Variants in ICMT observed in about 807,000 individuals in gnomAD.
ICMT encodes isoprenylcysteine carboxyl methyltransferase, also known as protein-S-isoprenylcysteine O-methyltransferase.
ICMT carries 10 observed loss-of-function variants against 32.2 expected under a neutral mutation model. The ratio of observed to expected loss-of-function variants is 0.31; its 90% confidence interval spans 0.19 to 0.53. The LOEUF (loss-of-function observed/expected upper bound fraction) is 0.53. ICMT is among the 20% of genes least tolerant of loss of function. The pLI is 0.96. For missense variants in ICMT, 265 were observed against 356.9 expected (o/e 0.74, Z 2.07); for synonymous variants, 183 against 158.2 (o/e 1.16, Z -1.18).
intron 2 of ICMT, chr1:6,234,374 A>C (rs1234445637): frequency 2.4e-6 from 1 of 419,148 alleles, no homozygotes; most frequent in Admixed American, 3.2e-5. Context: ...GATGGCTCAA[A>C]ATATTGATAA....
Position 6,235,957 on chromosome 1 carries a change from G to GGAGAAACGCGCCGGCTGCAGCCCT in ICMT, c.-47_-46insAGGGCTGCAGCCGGCGCGTTTCTC. On this transcript the variant is annotated 5_prime_UTR_variant, in exon 1 of 5. Transcript: ENST00000343813. ...CGGGCGGCGGCGCCGGCTGTAGCCC[G>GGAGAAACGCGCCGGCTGCAGCCCT]GAGAAACGCGCCGGCTGCGCCTGCG... is the stretch of plus-strand genomic sequence containing the variant. The GGAGAAACGCGCCGGCTGCAGCCCT allele has an allele frequency of 9.9e-7, 1 of 1,006,902 alleles. No individual in the cohort carries two copies. The highest frequency in any genetic ancestry group is 1.2e-6 in the Non-Finnish European group (1 of 822,636). The allele number at this position is 1,006,902 out of a possible 1,614,324, so 62.4% of individuals were successfully genotyped here. A position where few individuals can be genotyped will look rare whatever the true frequency, so the allele number is the denominator to read the frequency against.
intron 3 of ICMT, among the ~76,000 whole-genome samples, chr1:6,232,800 G>C (rs1302488148): frequency 6.6e-6 from 1 of 151,900 alleles, no homozygotes; most frequent in Non-Finnish European, 1.5e-5. Flanking sequence ...CACCCACCTC[G>C]GCCTCCCAAA....
In ICMT at chr1:6,223,485, A is replaced by G. The variant is rs1392373817; in HGVS notation, c.*1595T>C. On this transcript the variant is annotated 3_prime_UTR_variant, in exon 5 of 5. Transcript: ENST00000343813. Reference sequence around the variant, plus strand: ...TAACAATGAAAAAATTCATTAAGCCATGAAATCTAGAAATAAGTCATATTT... The same window carrying G: ...TAACAATGAAAAAATTCATTAAGCCGTGAAATCTAGAAATAAGTCATATTT... 6.7e-6 allele frequency: 1 copy of G among 149,268 alleles called. No homozygotes were observed. The highest frequency in any genetic ancestry group is 2.4e-5 in the African/African-American group (1 of 41,326). 9.2% of individuals were successfully genotyped at this position (149,268 alleles called of 1,614,324 possible).
chr1:6,231,836 A>G (rs1668741886), intron 4 of ICMT, 66 bp downstream of exon 4: 1 of 994,570 alleles, frequency 1.0e-6, no homozygotes, highest in Non-Finnish European at 1.5e-6. Flanking sequence ...TGCTACGTGA[A>G]TATCACGTTT....
chr1:6,235,229 G>A (rs753395251), intron 1 of ICMT, among the ~76,000 whole-genome samples: 6 of 152,192 alleles, frequency 3.9e-5, no homozygotes, highest in Non-Finnish European at 8.8e-5. Flanking sequence ...TACCTTTTAG[G>A]ACTGCAGTAA....
chr1:6,235,112 A>C (rs1571228181), intron 1 of ICMT, 138 bp from the exon 2 acceptor site: 1 of 653,592 alleles, frequency 1.5e-6, no homozygotes, highest in Non-Finnish European at 2.7e-6. Flanking sequence ...GAAGTGGGCG[A>C]CCTGGGTTCA....
At position 6,232,031 on chromosome 1, in the gene ICMT, A is replaced by G. The variant is rs1264244574; in HGVS notation, c.543T>C (p.Ala181=). 1.2e-5 allele frequency: 19 copies of G among 1,614,066 alleles called. No homozygotes were observed. The highest frequency in any genetic ancestry group is 1.7e-5 in the Admixed American group (1 of 59,996). ...ECLRKAAMFT[A]GSNFNHVVQN... ...GTACCACGTGGTTGAAATTGGAGCC[A>G]GCTGTAAACATGGCCGCCTTCCTCA... Residue 181 remains alanine (A), a synonymous_variant, in exon 4 of 5, where the codon GCT becomes GCC. Transcript: ENST00000343813.
intron 4 of ICMT, among the ~76,000 whole-genome samples, chr1:6,230,236 T>A (rs1668712145): frequency 6.6e-6 from 1 of 152,164 alleles, no homozygotes; most frequent in Non-Finnish European, 1.5e-5. Context: ...GGTCTCAGCC[T>A]CCCGAGTAGC....
chr1:6,231,981 G>T lies in ICMT; in HGVS notation c.593C>A (p.Thr198Asn). 6.2e-7 allele frequency: 1 copy of T among 1,614,120 alleles called. No homozygotes were observed. Among genetic ancestry groups the T allele is most frequent in the Non-Finnish European group, 8.5e-7 (1 of 1,179,976 alleles). ...VVQNEKSDTH[T>N]LVTSGVYAWF... The stretch of plus-strand genomic sequence containing the variant: ...AGCGTACACTCCACTGGTCACCAGA[G>T]TATGTGTATCTGATTTTTCATTCTG... The change falls in exon 4 of 5, where the codon ACT becomes AAT. Residue 198 changes from threonine to asparagine, a missense_variant. Physicochemically the swap from Thr to Asn is moderately conservative, Grantham distance 65. Around this residue, in one of 2 missense-constraint regions of ICMT, gnomAD observed 166 missense variants for 264.3 expected, o/e 0.63. Coordinates refer to ENST00000343813, the MANE Select transcript of ICMT (RefSeq NM_012405.4).
Position 6,224,838 on chromosome 1 carries a change from G to C in ICMT, c.*242C>G. ...CTGGAGGGCGCTGTGGAATATTGCTGTGATTTGCCCCTTACTCGTCTTTCA... is the reference window on the plus strand; with the variant it reads ...CTGGAGGGCGCTGTGGAATATTGCTCTGATTTGCCCCTTACTCGTCTTTCA... On this transcript the variant is annotated 3_prime_UTR_variant, in exon 5 of 5. Transcript: ENST00000343813. 2.1e-6 allele frequency: 1 copy of C among 477,644 alleles called. No homozygotes were observed. Among genetic ancestry groups the C allele is most frequent in the African/African-American group, 2.0e-5 (1 of 50,570 alleles). 29.6% of individuals were successfully genotyped at this position (477,644 alleles called of 1,614,324 possible).
Position 6,234,869 on chromosome 1 carries a change from T to C in ICMT, c.284+17A>G, listed in dbSNP as rs1187071319. 1 of 1,589,652 alleles carries C rather than the reference T, an allele frequency of 6.3e-7. No homozygotes were observed. The highest frequency in any genetic ancestry group is 2.2e-5 in the East Asian group (1 of 44,742). The stretch of plus-strand genomic sequence containing the variant: ...CCACCCTCGCCTGAAAACCAGTATT[T>C]CCGAAGGAATTCTTACCAGCCAAAG... On this transcript the variant is annotated intron_variant, in intron 2 of 4. Coordinates refer to ENST00000343813, the MANE Select transcript of ICMT (RefSeq NM_012405.4).
In ICMT at chr1:6,221,302, G is replaced by A. The variant is rs1304558568; in HGVS notation, c.*3778C>T. 4 of 152,632 alleles carry A rather than the reference G, an allele frequency of 2.6e-5. No homozygotes were observed. Among genetic ancestry groups the A allele is most frequent in the African/African-American group, 9.7e-5 (4 of 41,444 alleles). 9.5% of individuals were successfully genotyped at this position (152,632 alleles called of 1,614,324 possible). A position where few individuals can be genotyped will look rare whatever the true frequency, so the allele number is the denominator to read the frequency against. On this transcript the variant is annotated 3_prime_UTR_variant, in exon 5 of 5. Transcript: ENST00000343813. ...AATAAACATTTATGTAAAAAGAAGA[G>A]TAGAATAATTACTCCGTTCAGTTCC...
chr1:6,224,770 C>A lies in ICMT; in HGVS notation c.*310G>T. 3.4e-6 allele frequency: 1 copy of A among 294,882 alleles called. No individual in the cohort carries two copies. The highest frequency in any genetic ancestry group is 7.1e-5 in the South Asian group (1 of 14,012). The allele number at this position is 294,882 out of a possible 1,614,324, so 18.3% of individuals were successfully genotyped here. ...GGTTATCCTTTACTTACACTCTGGC[C>A]TCGGGGGCAGTGGCGTGTGGCCTCG... On this transcript the variant is annotated 3_prime_UTR_variant, in exon 5 of 5. Transcript: ENST00000343813.
At chr1:6,227,887 G>T (rs1441677493) in intron 4 of ICMT, among the ~76,000 whole-genome samples, 2 of 152,040 alleles carry the variant, frequency 1.3e-5, no homozygotes, top group Admixed American at 6.6e-5. Context: ...AAGGCTTTGG[G>T]TTGGGCATGG....
chr1:6,232,461 C>A (rs1413435763), intron 3 of ICMT, among the ~76,000 whole-genome samples: 5 of 152,200 alleles, frequency 3.3e-5, no homozygotes, highest in Non-Finnish European at 5.9e-5. Flanking sequence ...AAAAAAGGGT[C>A]CAAGGTTTCC....
intron 4 of ICMT, among the ~76,000 whole-genome samples, chr1:6,226,697 G>A (rs1389448482): frequency 6.6e-6 from 1 of 152,098 alleles, no homozygotes; most frequent in African/African-American, 2.4e-5. Flanking sequence ...AACTCTCATG[G>A]CAAACCTTTG....
chr1:6,227,381 C>T (rs918663926), intron 4 of ICMT, among the ~76,000 whole-genome samples: 9 of 152,184 alleles, frequency 5.9e-5, no homozygotes, highest in Non-Finnish European at 1.3e-4. Context: ...CCACCTATAC[C>T]GTTAGGGGTC....
chr1:6,229,924 G>A (rs907675514), intron 4 of ICMT, among the ~76,000 whole-genome samples: 2 of 152,030 alleles, frequency 1.3e-5, no homozygotes, highest in African/African-American at 4.8e-5. Context: ...CTGGAGTGCA[G>A]TGGCGTGATC....
Position 6,224,975 on chromosome 1 carries a change from A to T in ICMT, c.*105T>A. The T allele has an allele frequency of 2.0e-6, 2 of 1,020,420 alleles. No homozygotes were observed. The highest frequency in any genetic ancestry group is 2.9e-6 in the Non-Finnish European group (2 of 686,362). 63.2% of individuals were successfully genotyped at this position (1,020,420 alleles called of 1,614,324 possible). Reference sequence around the variant, plus strand: ...TGACATTCCAGAAGAGTGACTAATGACATAAAACGATTAAGAAAATCCATG... The same window carrying T: ...TGACATTCCAGAAGAGTGACTAATGTCATAAAACGATTAAGAAAATCCATG... On this transcript the variant is annotated 3_prime_UTR_variant, in exon 5 of 5. Coordinates refer to ENST00000343813, the MANE Select transcript of ICMT (RefSeq NM_012405.4).
Sources: gnomAD v4.1 joint callset for allele counts (sites outside exome capture counted in the v4.1 genomes callset) on GRCh38, gnomAD v4.1.1 for gene constraint, gnomAD v4.1.1 regional missense constraint, MANE v1.5 for transcripts, NCBI Gene and HGNC (gene_info 2026-07-23, HGNC 2026-07-21) for gene names.